SLC25A21: variants seen among roughly 807,000 people sequenced by gnomAD.
SLC25A21 encodes mitochondrial 2-oxodicarboxylate carrier.
SLC25A21 carries 47 observed loss-of-function variants against 43.8 expected under a neutral mutation model. That is an observed-to-expected ratio of 1.07 (90% CI 0.85 to 1.37). The LOEUF (loss-of-function observed/expected upper bound fraction) is 1.37, where lower values mean the gene tolerates loss of function less well. Ranked by LOEUF, SLC25A21 falls within the 40% of genes most tolerant of loss-of-function variation. The probability of loss-of-function intolerance (pLI) is 0.00; values close to 1 mark genes in which losing one functional copy is unlikely to be tolerated. For synonymous variants in SLC25A21, 131 were observed against 121.3 expected (o/e 1.08, Z -0.52); for missense variants, 352 against 350.2 (o/e 1.00, Z -0.04).
chr14:37,040,706 G>A (rs1033867350), intron 1 of SLC25A21, among the ~76,000 whole-genome samples: 5 of 152,064 alleles, frequency 3.3e-5, no homozygotes, highest in South Asian at 4.2e-4. Context: ...CCAGATGAGA[G>A]GGGATAGAGC....
At chr14:36,696,894 T>G (rs941035846) in intron 7 of SLC25A21, among the ~76,000 whole-genome samples, 1 of 152,202 alleles carries the variant, frequency 6.6e-6, no homozygotes, top group Non-Finnish European at 1.5e-5. Flanking sequence ...AGGGTTTTTT[T>G]GTATCTCTAT....
intron 2 of SLC25A21, among the ~76,000 whole-genome samples, chr14:36,857,325 C>G (rs1889929710): frequency 6.6e-6 from 1 of 152,160 alleles, no homozygotes; most frequent in Non-Finnish European, 1.5e-5. Context: ...ACCTTTCAGG[C>G]AGCACTGCGG....
chr14:36,890,383 G>A (rs1210284947), intron 1 of SLC25A21, among the ~76,000 whole-genome samples: 1 of 152,094 alleles, frequency 6.6e-6, no homozygotes, highest in Admixed American at 6.6e-5. Context: ...GCATGGCAGC[G>A]AGTAATTATA....
At chr14:37,112,492 T>G (rs947290346) in intron 1 of SLC25A21, among the ~76,000 whole-genome samples, 2 of 152,202 alleles carry the variant, frequency 1.3e-5, no homozygotes, top group African/African-American at 4.8e-5. Context: ...TCCTGTTCCT[T>G]CCTTGTAATA....
chr14:36,738,065 C>G (rs894793871), intron 3 of SLC25A21, among the ~76,000 whole-genome samples: 3 of 152,192 alleles, frequency 2.0e-5, no homozygotes, highest in Admixed American at 2.0e-4. Context: ...CACTGTCCCT[C>G]CAGCCAAAGT....
intron 1 of SLC25A21, among the ~76,000 whole-genome samples, chr14:36,878,038 C>T (rs1259724053): frequency 6.6e-6 from 1 of 152,172 alleles, no homozygotes. Flanking sequence ...TAATCATCTT[C>T]TCCATTTAAT....
In SLC25A21 at chr14:36,725,613, AC is replaced by A. The variant is rs745945146; in HGVS notation, c.394del (p.Val132Ter). On this transcript the variant is annotated frameshift_variant, in exon 6 of 10. Transcript: ENST00000331299. LOFTEE classifies it high-confidence loss of function. The stretch of plus-strand genomic sequence containing the variant: ...ATTTGCTTGCAAGCCAACTTTTACT[AC>A]CTCAAAAGGGTTAACTACAATGGCT... ...TEAIVVNPFE[V>X]VKVGLQANRN... The A allele has an allele frequency of 1.3e-6, 2 of 1,596,778 alleles. No homozygotes were observed. Among genetic ancestry groups the A allele is most frequent in the South Asian group, 2.3e-5 (2 of 88,022 alleles).
At chr14:37,088,437 T>A (rs1371348570) in intron 1 of SLC25A21, among the ~76,000 whole-genome samples, 1 of 152,226 alleles carries the variant, frequency 6.6e-6, no homozygotes, top group African/African-American at 2.4e-5. Context: ...GTTTTAATAC[T>A]CACAGGTTTT....
intron 6 of SLC25A21, among the ~76,000 whole-genome samples, chr14:36,714,917 T>C (rs74044942): frequency 0.011 from 1,651 of 152,322 alleles, 32 homozygotes; most frequent in African/African-American, 0.037. Flanking sequence ...CATCCTAACA[T>C]ATCTGATTGC....
intron 1 of SLC25A21, among the ~76,000 whole-genome samples, chr14:37,162,619 A>G (rs1963964712): frequency 6.6e-6 from 1 of 152,216 alleles, no homozygotes; most frequent in African/African-American, 2.4e-5. Flanking sequence ...TAGAAGGGCA[A>G]TCATTAAGAA....
chr14:37,115,780 T>C (rs1303628956), intron 1 of SLC25A21, among the ~76,000 whole-genome samples: 3 of 152,186 alleles, frequency 2.0e-5, no homozygotes, highest in African/African-American at 7.2e-5. Context: ...CTTCAATGAA[T>C]TGCTTCATTT....
intron 3 of SLC25A21, among the ~76,000 whole-genome samples, chr14:36,759,134 T>C (rs573968784): frequency 6.6e-6 from 1 of 152,308 alleles, no homozygotes; most frequent in Admixed American, 6.5e-5. Context: ...ACAACTCTTG[T>C]AGGATTTTTT....
chr14:36,976,891 C>T (rs1787690868), intron 1 of SLC25A21, among the ~76,000 whole-genome samples: 1 of 152,198 alleles, frequency 6.6e-6, no homozygotes, highest in African/African-American at 2.4e-5. Flanking sequence ...CTTGGCTGGA[C>T]ACAAGTCCTT....
intron 1 of SLC25A21, among the ~76,000 whole-genome samples, chr14:37,057,204 T>C (rs1211778825): frequency 6.6e-6 from 1 of 152,218 alleles, no homozygotes; most frequent in African/African-American, 2.4e-5. Flanking sequence ...TATTTTTAGC[T>C]TTTGCAGTTT....
intron 7 of SLC25A21, among the ~76,000 whole-genome samples, chr14:36,691,410 TTA>T (rs1354474005): frequency 5.9e-5 from 9 of 152,358 alleles, no homozygotes; most frequent in South Asian, 2.1e-4. Flanking sequence ...GAAAAATCTA[TTA>T]TGTTATTAAA....
intron 1 of SLC25A21, among the ~76,000 whole-genome samples, chr14:36,951,545 CGTCCATTCAACAAA>C (rs1892811065): frequency 6.6e-6 from 1 of 152,146 alleles, no homozygotes; most frequent in African/African-American, 2.4e-5. Context: ...TCCACAGACA[CGTCCATTCAACAAA>C]GTCCTTATGT....
chr14:36,935,479 A>T (rs539011503), intron 1 of SLC25A21, among the ~76,000 whole-genome samples: 28 of 152,276 alleles, frequency 1.8e-4, no homozygotes, highest in South Asian at 1.2e-3. Flanking sequence ...TGGGGACTCA[A>T]TTAATTTTTA....
intron 3 of SLC25A21, among the ~76,000 whole-genome samples, chr14:36,801,455 T>C (rs1290385293): frequency 1.3e-5 from 2 of 152,144 alleles, no homozygotes; most frequent in African/African-American, 2.4e-5. Flanking sequence ...CCCCCAACAC[T>C]TCCCACAAGA....
At chr14:36,823,812 C>T (rs75410295) in intron 2 of SLC25A21, among the ~76,000 whole-genome samples, 14,686 of 152,216 alleles carry the variant, frequency 0.096, 1,037 homozygotes, top group East Asian at 0.31. Flanking sequence ...CCCCTTGAGT[C>T]CACAAGCTTT....
Sources: allele counts gnomAD v4.1 joint callset (sites outside exome capture counted in the v4.1 genomes callset), GRCh38; gene constraint gnomAD v4.1.1; transcripts MANE v1.5; gene names NCBI Gene and HGNC (gene_info 2026-07-23, HGNC 2026-07-21).